CLVS1: variants seen among roughly 807,000 people sequenced by gnomAD.
CLVS1 encodes the protein clavesin-1.
Under a neutral mutation model 33.1 loss-of-function variants are expected in CLVS1, and 10 were observed. The observed-to-expected ratio is 0.30, with a 90% CI of 0.19 to 0.51. The LOEUF is 0.51. Ranked by LOEUF, CLVS1 falls within the 20% of genes least tolerant of loss-of-function variation. CLVS1 has a pLI of 0.97. For synonymous variants in CLVS1, 163 were observed against 166.1 expected (o/e 0.98, Z 0.14); for missense variants, 343 against 433.4 (o/e 0.79, Z 1.85).
chr8:61,099,519 G>T (rs186118229), intron 1 of CLVS1, among the ~76,000 whole-genome samples: 31 of 152,268 alleles, frequency 2.0e-4, no homozygotes, highest in Non-Finnish European at 4.0e-4. Context: ...GTATAAACAA[G>T]TGAACAAATA....
intron 1 of CLVS1, among the ~76,000 whole-genome samples, chr8:61,057,448 G>A (rs527778266): frequency 1.1e-4 from 17 of 151,956 alleles, no homozygotes; most frequent in African/African-American, 3.6e-4. Flanking sequence ...TAAATGAAGG[G>A]TGGGTTTGTA....
chr8:61,279,841 T>G (rs1163093279), intron 2 of CLVS1, among the ~76,000 whole-genome samples: 1 of 152,240 alleles, frequency 6.6e-6, no homozygotes, highest in Non-Finnish European at 1.5e-5. Flanking sequence ...TTGGTAAGGT[T>G]AATGTGAATT....
At chr8:61,020,940 A>G in the CLVS1 span, among the ~76,000 whole-genome samples, 1 of 152,128 alleles carries the variant, frequency 6.6e-6, no homozygotes, top group East Asian at 1.9e-4. Flanking sequence ...CCACCTACCC[A>G]TGTCCAACTA....
At chr8:61,479,787 G>C (rs1198694169) in intron 5 of CLVS1, among the ~76,000 whole-genome samples, 1 of 152,166 alleles carries the variant, frequency 6.6e-6, no homozygotes, top group Non-Finnish European at 1.5e-5. Flanking sequence ...CTGTTTGTTA[G>C]TTTTCCTTCT....
In CLVS1 at chr8:61,293,449, G is replaced by T. The variant is rs1038201714; in HGVS notation, c.-152+5311G>T. ...AAGACTCCTTCTGGTCAGCACCATGGAACATGTAACCAACCAGCCTCTGAG... is the reference window on the plus strand; with the variant it reads ...AAGACTCCTTCTGGTCAGCACCATGTAACATGTAACCAACCAGCCTCTGAG... On this transcript the variant is annotated intron_variant, in intron 1 of 5. Transcript: ENST00000325897. 2.0e-5 allele frequency among the ~76,000 whole-genome samples: 3 copies of T among 152,084 alleles called. 1 individual carries two copies. In the South Asian group the frequency reaches 6.2e-4, roughly 31 times the overall value.
intron 3 of CLVS1, among the ~76,000 whole-genome samples, chr8:61,410,122 G>A (rs1185715722): frequency 3.3e-5 from 4 of 119,564 alleles, no homozygotes; most frequent in Middle Eastern, 5.2e-3. Flanking sequence ...TTTTGTTGTA[G>A]TATTTATCAG....
At chr8:61,122,569 AACACACACAC>A (rs4033855) in intron 1 of CLVS1, among the ~76,000 whole-genome samples, 1,653 of 144,632 alleles carry the variant, frequency 0.011, 23 homozygotes, top group African/African-American at 0.034. Flanking sequence ...ATATTAAGAA[AACACACACAC>A]ACACACACAC....
chr8:61,117,595 T>C (rs947584729), intron 1 of CLVS1, among the ~76,000 whole-genome samples: 1 of 149,912 alleles, frequency 6.7e-6, no homozygotes, highest in Non-Finnish European at 1.5e-5. Context: ...TTGTTGAATT[T>C]TGTCAAAGGC....
intron 2 of CLVS1, among the ~76,000 whole-genome samples, chr8:61,303,440 G>A (rs1184997455): frequency 1.3e-5 from 2 of 152,176 alleles, no homozygotes; most frequent in South Asian, 4.1e-4. Context: ...TGAATGTGAA[G>A]CTTATTCAGC....
At chr8:61,049,436 G>A in the CLVS1 span, among the ~76,000 whole-genome samples, 2 of 152,308 alleles carry the variant, frequency 1.3e-5, no homozygotes, top group African/African-American at 4.8e-5. Flanking sequence ...TATACAGAGA[G>A]AATGCATTTA....
At chr8:60,989,861 C>T in the CLVS1 span, among the ~76,000 whole-genome samples, 3 of 152,018 alleles carry the variant, frequency 2.0e-5, no homozygotes, top group Non-Finnish European at 4.4e-5. Flanking sequence ...TGCGGTGACT[C>T]ATGCCTGTAA....
At chr8:61,045,765 A>G in the CLVS1 span, among the ~76,000 whole-genome samples, 1 of 152,222 alleles carries the variant, frequency 6.6e-6, no homozygotes, top group Admixed American at 6.5e-5. Context: ...GGCTGCTTCC[A>G]TGAAAGAACA....
intron 2 of CLVS1, among the ~76,000 whole-genome samples, chr8:61,360,846 G>A (rs1812944615): frequency 6.6e-6 from 1 of 152,266 alleles, no homozygotes; most frequent in East Asian, 1.9e-4. Flanking sequence ...TCTAAGAGAT[G>A]TTGTATTAGT....
At chr8:61,059,475 C>CATATATGTATATATATATAT (rs1554530492) in intron 1 of CLVS1, among the ~76,000 whole-genome samples, 2 of 50,214 alleles carry the variant, frequency 4.0e-5, no homozygotes, top group Non-Finnish European at 8.0e-5. Context: ...TACATACATA[C>CATATATGTATATATATATAT]ATATATATAT....
intron 2 of CLVS1, among the ~76,000 whole-genome samples, chr8:61,221,066 G>A (rs1276382339): frequency 6.6e-6 from 1 of 152,164 alleles, no homozygotes; most frequent in Non-Finnish European, 1.5e-5. Context: ...TTGCTTATCA[G>A]TTCAAGAAGT....
At chr8:61,388,086 A>C (rs1397713789) in intron 3 of CLVS1, among the ~76,000 whole-genome samples, 1 of 152,034 alleles carries the variant, frequency 6.6e-6, no homozygotes, top group Non-Finnish European at 1.5e-5. Flanking sequence ...AACTACCCAA[A>C]TCATAAGTGT....
At chr8:61,314,080 A>G (rs1182534821) in intron 2 of CLVS1, among the ~76,000 whole-genome samples, 2 of 152,164 alleles carry the variant, frequency 1.3e-5, no homozygotes, top group African/African-American at 4.8e-5. Flanking sequence ...CACAAGACAG[A>G]GTTAAGAAAG....
intron 2 of CLVS1, among the ~76,000 whole-genome samples, chr8:61,155,155 C>T (rs746454946): frequency 1.3e-5 from 2 of 152,126 alleles, no homozygotes; most frequent in African/African-American, 2.4e-5. Flanking sequence ...AGGATAAGTG[C>T]GTATTGTGGG....
chr8:60,983,324 A>C, the CLVS1 span, among the ~76,000 whole-genome samples: 1 of 152,196 alleles, frequency 6.6e-6, no homozygotes, highest in African/African-American at 2.4e-5. Flanking sequence ...CATGCACGTT[A>C]TTTTAATTAA....
Sources: allele counts gnomAD v4.1 joint callset (sites outside exome capture counted in the v4.1 genomes callset), GRCh38; gene constraint gnomAD v4.1.1; transcripts MANE v1.5; gene names NCBI Gene and HGNC (gene_info 2026-07-23, HGNC 2026-07-21).